The following RBFOX3 variants were observed in gnomAD, a reference collection of about 807,000 sequenced individuals.
RBFOX3 encodes the protein RNA binding fox-1 homolog 3, also known as RNA binding protein fox-1 homolog 3.
In RBFOX3, 17 loss-of-function variants were observed where a neutral mutation model predicts 48.7. That is an observed-to-expected ratio of 0.35 (90% confidence interval 0.24 to 0.52). The LOEUF (loss-of-function observed/expected upper bound fraction) is 0.52. RBFOX3 is among the 20% of genes least tolerant of loss of function. The pLI is 0.94. For synonymous variants in RBFOX3, 212 were observed against 209.5 expected (o/e 1.01, Z -0.10); for missense variants, 382 against 497.5 (o/e 0.77, Z 2.21).
At chr17:79,582,653 T>C (rs1240750084) in intron 1 of RBFOX3, among the ~76,000 whole-genome samples, 1 of 151,834 alleles carries the variant, frequency 6.6e-6, no homozygotes, top group East Asian at 1.9e-4. Context: ...CAAAATTAGC[T>C]AGGCATAGTG....
chr17:79,258,643 G>T lies in RBFOX3; in HGVS notation c.-73-22838C>A, dbSNP rs79699507. 8.5e-5 allele frequency among the ~76,000 whole-genome samples: 13 copies of T among 152,304 alleles called. 1 individual carries two copies. The South Asian group carries it at 2.7e-3, about 32-fold the overall frequency. On this transcript the variant is annotated intron_variant, in intron 3 of 14. Transcript: ENST00000693108. The stretch of plus-strand genomic sequence containing the variant: ...GCCAAGGGAGGGTGGGACAGGGAAC[G>T]TGGCGAAGTTCTTCTCAGGTGCACC...
chr17:79,649,477 G>A, the RBFOX3 span, among the ~76,000 whole-genome samples: 3 of 152,190 alleles, frequency 2.0e-5, no homozygotes, highest in East Asian at 3.9e-4. Context: ...AGGCCGAGGC[G>A]AGTGGATCAC....
intron 1 of RBFOX3, among the ~76,000 whole-genome samples, chr17:79,579,820 G>A (rs1455104938): frequency 2.2e-4 from 30 of 134,432 alleles, no homozygotes; most frequent in African/African-American, 7.0e-4. Flanking sequence ...AGCCACTGGC[G>A]CTGTGGTGGG....
the RBFOX3 span, among the ~76,000 whole-genome samples, chr17:79,625,075 G>A: frequency 6.6e-6 from 1 of 151,992 alleles, no homozygotes; most frequent in Non-Finnish European, 1.5e-5. Context: ...ATATGCCCGT[G>A]AAACCATCAC....
chr17:79,324,658 C>T (rs538756921), intron 2 of RBFOX3, among the ~76,000 whole-genome samples: 4 of 152,290 alleles, frequency 2.6e-5, no homozygotes, highest in Non-Finnish European at 5.9e-5. Flanking sequence ...GTTCAGAGGA[C>T]CTGGCTCCTG....
chr17:79,368,715 C>T lies in RBFOX3; in HGVS notation c.-174-60891G>A, dbSNP rs373981860. The stretch of plus-strand genomic sequence containing the variant: ...AGCCCGATGCTGGTCCGAGGCCCCA[C>T]GCTCAGCCTCCCTCCAGCCAGACAC... On this transcript the variant is annotated intron_variant, in intron 2 of 14. Transcript: ENST00000693108. Among the ~76,000 whole-genome samples the T allele has an allele frequency of 2.6e-5, 4 of 152,310 alleles. No individual in the cohort carries two copies. The South Asian group carries it at 8.3e-4, about 32-fold the overall frequency.
intron 4 of RBFOX3, among the ~76,000 whole-genome samples, chr17:79,201,554 G>A (rs2056758501): frequency 6.6e-6 from 1 of 152,202 alleles, no homozygotes; most frequent in African/African-American, 2.4e-5. Flanking sequence ...TAACCCTGGG[G>A]CATTCATGAT....
At chr17:79,190,428 AAAAC>A in intron 4 of RBFOX3, among the ~76,000 whole-genome samples, 1 of 140,694 alleles carries the variant, frequency 7.1e-6, no homozygotes, top group African/African-American at 2.6e-5. Flanking sequence ...AAAAAAAAAA[AAAAC>A]AAAAAAACAG....
chr17:79,288,783 C>A (rs2072588886), intron 3 of RBFOX3, among the ~76,000 whole-genome samples: 1 of 141,492 alleles, frequency 7.1e-6, no homozygotes, highest in African/African-American at 2.5e-5. Flanking sequence ...ATATAATGAC[C>A]CCCCCAATTG....
At chr17:79,660,714 G>A in the RBFOX3 span, among the ~76,000 whole-genome samples, 32 of 152,026 alleles carry the variant, frequency 2.1e-4, no homozygotes, top group East Asian at 1.9e-4. Context: ...ATAAGAAGAT[G>A]ACGTGGTGAT....
At chr17:79,385,782 C>T (rs546837067) in intron 2 of RBFOX3, among the ~76,000 whole-genome samples, 9 of 151,530 alleles carry the variant, frequency 5.9e-5, no homozygotes, top group African/African-American at 2.2e-4. Flanking sequence ...ACAGAAGGAG[C>T]TCCATTACTT....
At chr17:79,112,010 C>T (rs1037760937) in intron 5 of RBFOX3, among the ~76,000 whole-genome samples, 1 of 152,208 alleles carries the variant, frequency 6.6e-6, no homozygotes, top group Non-Finnish European at 1.5e-5. Context: ...TGTGCGTGCC[C>T]CTTGTGGGTT....
Position 79,242,235 on chromosome 17 carries a change from G to A in RBFOX3, c.-73-6430C>T, listed in dbSNP as rs140406738. 1.3e-5 allele frequency among the ~76,000 whole-genome samples: 2 copies of A among 152,078 alleles called. No individual in the cohort carries two copies. The highest frequency in any genetic ancestry group is 6.5e-5 in the Admixed American group (1 of 15,268). ...GGTGCTACCTGAGGAGCCCCGGGGTGGGGGGCAGGCCGTATGGAGGGTCCT... is the reference window on the plus strand; with the variant it reads ...GGTGCTACCTGAGGAGCCCCGGGGTAGGGGGCAGGCCGTATGGAGGGTCCT... On this transcript the variant is annotated intron_variant, in intron 3 of 14. Coordinates refer to ENST00000693108, the MANE Select transcript of RBFOX3 (RefSeq NM_001350451.2). This position sits in a 1 kb window ranked among gnomAD's most constrained non-coding sequence, Gnocchi z 5.8.
chr17:79,505,062 C>T, intron 1 of RBFOX3, among the ~76,000 whole-genome samples: 1 of 152,108 alleles, frequency 6.6e-6, no homozygotes, highest in East Asian at 1.9e-4. Flanking sequence ...CTGAGCATCC[C>T]CAAAGCTCAG....
In RBFOX3 at chr17:79,391,012, T is replaced by A. The variant is rs141284644; in HGVS notation, c.-174-83188A>T. On this transcript the variant is annotated intron_variant, in intron 2 of 14. Transcript: ENST00000693108. This position sits in a 1 kb window ranked among gnomAD's most constrained non-coding sequence, Gnocchi z 5.0. ...CCCCTGATTCCCACAGATCCTTCCC[T>A]GGAAGGCTTTCTCGCTGTCTCTTCA... is the stretch of plus-strand genomic sequence containing the variant. 6.6e-6 allele frequency among the ~76,000 whole-genome samples: 1 copy of A among 152,198 alleles called. No individual in the cohort carries two copies.
intron 2 of RBFOX3, among the ~76,000 whole-genome samples, chr17:79,398,438 C>G (rs1430144523): frequency 1.3e-5 from 2 of 152,134 alleles, no homozygotes; most frequent in African/African-American, 4.8e-5. Context: ...CTGACGATAT[C>G]TGTCAGCGTT....
At chr17:79,247,723 C>T (rs950897292) in intron 3 of RBFOX3, among the ~76,000 whole-genome samples, 3 of 151,998 alleles carry the variant, frequency 2.0e-5, no homozygotes, top group Admixed American at 1.3e-4. Context: ...CATCTCCACT[C>T]TTCCAGCTCC....
chr17:79,350,279 C>G (rs897447095), intron 2 of RBFOX3, among the ~76,000 whole-genome samples: 2 of 152,182 alleles, frequency 1.3e-5, no homozygotes, highest in Non-Finnish European at 1.5e-5. Flanking sequence ...CTGTCTGCTG[C>G]TGTCCTTCCT....
At chr17:79,329,210 G>A (rs2079822288) in intron 2 of RBFOX3, among the ~76,000 whole-genome samples, 1 of 152,084 alleles carries the variant, frequency 6.6e-6, no homozygotes, top group South Asian at 2.1e-4. Flanking sequence ...AGAATGGAGG[G>A]ATCCCTAACA....
Sources: gnomAD v4.1 joint callset for allele counts (sites outside exome capture counted in the v4.1 genomes callset) on GRCh38, gnomAD v4.1.1 for gene constraint, Gnocchi (gnomAD v3.1) non-coding constraint, MANE v1.5 for transcripts, NCBI Gene and HGNC (gene_info 2026-07-23, HGNC 2026-07-21) for gene names.